The following NCAPG2 variants were observed in gnomAD, a reference collection of about 807,000 sequenced individuals.
NCAPG2 encodes non-SMC condensin II complex subunit G2.
In NCAPG2, 53 loss-of-function variants were observed where a neutral mutation model predicts 141.1. The observed-to-expected ratio is 0.38, with a 90% CI of 0.30 to 0.47. The LOEUF (loss-of-function observed/expected upper bound fraction) is 0.47. NCAPG2 is among the 20% of genes least tolerant of loss of function. The probability of loss-of-function intolerance (pLI) is 0.99; values close to 1 mark genes in which losing one functional copy is unlikely to be tolerated. For missense variants in NCAPG2, 1,087 were observed against 1,389.0 expected (o/e 0.78, Z 3.46); for synonymous variants, 499 against 490.7 (o/e 1.02, Z -0.22).
chr7:158,704,414 T>A (rs1431351819), intron 1 of NCAPG2, among the ~76,000 whole-genome samples: 34 of 151,510 alleles, frequency 2.2e-4, no homozygotes, highest in Admixed American at 2.2e-3. Flanking sequence ...GGACACTCTC[T>A]GAGGACGGTG....
chr7:158,668,821 G>A (rs536822419), intron 13 of NCAPG2, among the ~76,000 whole-genome samples: 1 of 151,994 alleles, frequency 6.6e-6, no homozygotes, highest in African/African-American at 2.4e-5. Context: ...TGTTAAATTG[G>A]TAGACATGTG....
At chr7:158,669,936 C>T (rs564527857) in intron 13 of NCAPG2, among the ~76,000 whole-genome samples, 8 of 152,138 alleles carry the variant, frequency 5.3e-5, no homozygotes, top group East Asian at 1.9e-4. Context: ...CCACCTCACC[C>T]GGCTGTTACT....
chr7:158,704,060 C>T (rs1835985603), intron 1 of NCAPG2, among the ~76,000 whole-genome samples: 1 of 145,218 alleles, frequency 6.9e-6, no homozygotes, highest in Non-Finnish European at 1.5e-5. Flanking sequence ...GAGGGCAGTG[C>T]CCATGCTCAG....
intron 2 of NCAPG2, among the ~76,000 whole-genome samples, chr7:158,694,179 A>G (rs1256095795): frequency 1.3e-5 from 2 of 152,090 alleles, no homozygotes; most frequent in African/African-American, 2.4e-5. Context: ...GTACCATTAC[A>G]CTCCAGCCTG....
chr7:158,667,108 G>T lies in NCAPG2; in HGVS notation c.1480-2358C>A, dbSNP rs1833024010. The T allele has an allele frequency of 3.1e-6, 3 of 980,562 alleles. No individual in the cohort carries two copies. In the South Asian group the frequency reaches 1.4e-4, roughly 46 times the overall value. The allele number at this position is 980,562 out of a possible 1,614,324, so 60.7% of individuals were successfully genotyped here. On this transcript the variant is annotated intron_variant, in intron 13 of 27. Transcript: ENST00000356309. Reference sequence around the variant, plus strand: ...CATTCTGTAACCTTAACTTTCAAGGGAAATTAGCTTGCATGCTCGTCACAA... The same window carrying T: ...CATTCTGTAACCTTAACTTTCAAGGTAAATTAGCTTGCATGCTCGTCACAA...
intron 27 of NCAPG2, among the ~76,000 whole-genome samples, chr7:158,643,946 C>T (rs1350508805): frequency 6.6e-6 from 1 of 152,158 alleles, no homozygotes; most frequent in Non-Finnish European, 1.5e-5. Flanking sequence ...GGTATTTGTC[C>T]GCTAGGTGTC....
chr7:158,663,676 G>A (rs1309401372), intron 15 of NCAPG2, among the ~76,000 whole-genome samples: 1 of 152,194 alleles, frequency 6.6e-6, no homozygotes, highest in African/African-American at 2.4e-5. Flanking sequence ...TTAATGTAGT[G>A]GGCATTGCAA....
chr7:158,671,511 T>G lies in NCAPG2; in HGVS notation c.1479+3A>C. 6.2e-7 allele frequency: 1 copy of G among 1,614,160 alleles called. No homozygotes were observed. Among genetic ancestry groups the G allele is most frequent in the Non-Finnish European group, 8.5e-7 (1 of 1,180,006 alleles). On this transcript the variant is annotated splice_donor_region_variant and intron_variant, in intron 13 of 27. Coordinates refer to ENST00000356309, the MANE Select transcript of NCAPG2 (RefSeq NM_017760.7). ...ATAAGTAAAAAAGCCCTATTCATCC[T>G]ACCTTAGCAGCCCTCACAGCTTTGA...
rs764888414 is a variant in NCAPG2, at chr7:158,654,626, G to A, written c.2715C>T (p.Leu905=). The change falls in exon 22 of 28, where the codon CTC becomes CTT. Residue 905 remains leucine, a synonymous_variant. Transcript: ENST00000356309. ...GLGDHQFQMQ[L]LQRSLGIMQT... ...GCATGATTCCAAGACTCCGCTGTAA[G>A]AGTTGCATCTGAAACTGATGGTCAC... The A allele has an allele frequency of 7.4e-6, 12 of 1,613,990 alleles. No individual in the cohort carries two copies. The African/African-American group carries it at 8.0e-5, about 11-fold the overall frequency.
chr7:158,632,869 CAT>C (rs1829978274), intron 27 of NCAPG2, among the ~76,000 whole-genome samples: 1 of 152,148 alleles, frequency 6.6e-6, no homozygotes, highest in Admixed American at 6.5e-5. Context: ...TTATTTATGA[CAT>C]AGTTCACATT....
intron 15 of NCAPG2, among the ~76,000 whole-genome samples, chr7:158,663,980 T>G (rs1563530885): frequency 6.6e-6 from 1 of 152,250 alleles, no homozygotes; most frequent in Non-Finnish European, 1.5e-5. Flanking sequence ...TTCTTCTGTA[T>G]TAAGTCCTAC....
intron 2 of NCAPG2, among the ~76,000 whole-genome samples, chr7:158,697,459 G>A (rs186323029): frequency 1.2e-4 from 19 of 152,266 alleles, no homozygotes; most frequent in African/African-American, 4.1e-4. Flanking sequence ...GAAATTAGCC[G>A]GTGTGGTGGC....
chr7:158,647,207 G>T (rs1053741978), intron 24 of NCAPG2, among the ~76,000 whole-genome samples: 1 of 152,100 alleles, frequency 6.6e-6, no homozygotes, highest in East Asian at 1.9e-4. Context: ...CTAAATTGGC[G>T]TTTCTCAATC....
rs1350596123 is a variant in NCAPG2, at chr7:158,680,810, T to G, written c.931A>C (p.Ser311Arg). The change falls in exon 10 of 28, where the codon AGT (serine) becomes CGT (arginine). Residue 311 changes from serine to arginine, a missense_variant. By Grantham distance (110) the Ser-to-Arg change is moderately radical. Transcript: ENST00000356309. ...PVHSKVREVL[S>R]YFHHQKKVRQ... is the part of the protein sequence containing the mutation. The stretch of plus-strand genomic sequence containing the variant: ...ACTTTCTTTTGATGGTGAAAGTAAC[T>G]CAGAACCTAAGGACCAAAAAAAGGA... 1.9e-6 allele frequency: 3 copies of G among 1,595,954 alleles called. No homozygotes were observed. The South Asian group carries it at 3.5e-5, about 18-fold the overall frequency.
In NCAPG2 at chr7:158,658,384, A is replaced by G. The variant is rs750112074; in HGVS notation, c.2014T>C (p.Phe672Leu). ...GCCGGCATAAAGGACATTAGCATGA[A>G]TAAAGGGATCTTGCAGCGATCATCC... Reference protein sequence around the residue: ...FKDDRCKIPLFMLMSFMPASA... With the variant: ...FKDDRCKIPLLMLMSFMPASA... Residue 672 changes from phenylalanine (F) to leucine (L), a missense_variant, in exon 17 of 28, where the codon TTC becomes CTC. Physicochemically the swap from Phe to Leu is conservative, Grantham distance 22. Coordinates refer to ENST00000356309, the MANE Select transcript of NCAPG2 (RefSeq NM_017760.7). 6.2e-7 allele frequency: 1 copy of G among 1,612,624 alleles called. No individual in the cohort carries two copies.
intron 7 of NCAPG2, 58 bp downstream of exon 7, chr7:158,687,290 G>C: frequency 8.2e-7 from 1 of 1,212,880 alleles, no homozygotes; most frequent in Non-Finnish European, 1.2e-6. Flanking sequence ...CAGACCAAAT[G>C]GAATCTTTCA....
intron 24 of NCAPG2, among the ~76,000 whole-genome samples, chr7:158,649,390 G>A (rs1301556780): frequency 2.0e-5 from 3 of 152,114 alleles, no homozygotes; most frequent in Non-Finnish European, 4.4e-5. Context: ...AGTTGCAATG[G>A]TCTCTGTCAT....
At chr7:158,648,506 AAAG>A (rs1831201440) in intron 24 of NCAPG2, among the ~76,000 whole-genome samples, 1 of 151,570 alleles carries the variant, frequency 6.6e-6, no homozygotes, top group South Asian at 2.1e-4. Flanking sequence ...TAAAAAAAAA[AAAG>A]AATGGACTAT....
At position 158,652,290 on chromosome 7, in the gene NCAPG2, T is replaced by G. The variant is rs1182191705; in HGVS notation, c.2934+3A>C. 1.2e-6 allele frequency: 2 copies of G among 1,612,056 alleles called. No homozygotes were observed. Among genetic ancestry groups the G allele is most frequent in the Non-Finnish European group, 1.7e-6 (2 of 1,179,594 alleles). On this transcript the variant is annotated splice_donor_region_variant and intron_variant, in intron 23 of 27. Transcript: ENST00000356309. The stretch of plus-strand genomic sequence containing the variant: ...GAACCCCGTCCTGGGGAGTTCTGAG[T>G]ACCCGCAGGCCTTCTTCCGGCTGCT...
Sources: gnomAD v4.1 joint callset for allele counts (sites outside exome capture counted in the v4.1 genomes callset) on GRCh38, gnomAD v4.1.1 for gene constraint, MANE v1.5 for transcripts, NCBI Gene and HGNC (gene_info 2026-07-23, HGNC 2026-07-21) for gene names.